TENM4: variants seen among roughly 807,000 people sequenced by gnomAD.
The protein encoded by TENM4 is teneurin transmembrane protein 4, also known as teneurin-4.
TENM4 carries 82 observed loss-of-function variants against 243.3 expected under a neutral mutation model. That is an observed-to-expected ratio of 0.34 (90% CI 0.28 to 0.40). The LOEUF is 0.40. TENM4 is among the 10% of genes least tolerant of loss of function. The probability of loss-of-function intolerance (pLI) is 1.00; values close to 1 mark genes in which losing one functional copy is unlikely to be tolerated. For synonymous variants in TENM4, 1,412 were observed against 1,456.3 expected (o/e 0.97, Z 0.69); for missense variants, 3,138 against 3,673.3 (o/e 0.85, Z 3.77).
In TENM4 at chr11:78,657,979, T is replaced by G. The variant is rs1048201480; in HGVS notation, c.*79A>C. 3 of 1,605,924 alleles carry G rather than the reference T, an allele frequency of 1.9e-6. No individual in the cohort carries two copies. The highest frequency in any genetic ancestry group is 2.2e-5 in the South Asian group (2 of 90,504). ...TTTCTGCACTTGTTAAAAAATCATT[T>G]TTTTAAAAGTACAACACAGTCAGGT... On this transcript the variant is annotated 3_prime_UTR_variant, in exon 34 of 34. Coordinates refer to ENST00000278550, the MANE Select transcript of TENM4 (RefSeq NM_001098816.3).
At chr11:78,983,402 A>G (rs1350792500) in intron 6 of TENM4, among the ~76,000 whole-genome samples, 5 of 152,230 alleles carry the variant, frequency 3.3e-5, no homozygotes, top group Admixed American at 2.0e-4. Context: ...GCAGATGATG[A>G]AAACTACTGC....
At chr11:79,164,252 A>G (rs1399282304) in intron 3 of TENM4, among the ~76,000 whole-genome samples, 2 of 110,444 alleles carry the variant, frequency 1.8e-5, no homozygotes, top group African/African-American at 9.7e-5. Flanking sequence ...TATAGTATAT[A>G]TAGTATATAG....
At chr11:78,831,422 C>G (rs1317340313) in intron 12 of TENM4, among the ~76,000 whole-genome samples, 1 of 152,246 alleles carries the variant, frequency 6.6e-6, no homozygotes, top group Non-Finnish European at 1.5e-5. Flanking sequence ...CCTCTGCCCT[C>G]TACTCTCACA....
rs376020683 is a variant in TENM4 at position 79,098,801 on chromosome 11, A to G, written c.-65-28792T>C. Among the ~76,000 whole-genome samples, 19 of 152,272 alleles carry G rather than the reference A, an allele frequency of 1.2e-4. No homozygotes were observed. In the South Asian group the frequency reaches 3.9e-3, roughly 32 times the overall value. The stretch of plus-strand genomic sequence containing the variant: ...CAACGACATCAGGAACATCATCATC[A>G]TCATCCCTGGACAATTTCAGTGTGA... On this transcript the variant is annotated intron_variant, in intron 4 of 33. Coordinates refer to ENST00000278550, the MANE Select transcript of TENM4 (RefSeq NM_001098816.3).
intron 9 of TENM4, among the ~76,000 whole-genome samples, chr11:78,876,757 G>C (rs1302882144): frequency 6.6e-6 from 1 of 152,208 alleles, no homozygotes; most frequent in East Asian, 1.9e-4. Context: ...CACAGCCTGG[G>C]ACACAGTCCA....
At chr11:78,909,611 C>T (rs534173736) in intron 6 of TENM4, among the ~76,000 whole-genome samples, 7 of 152,328 alleles carry the variant, frequency 4.6e-5, no homozygotes, top group East Asian at 3.9e-4. Flanking sequence ...TATCGGCATA[C>T]GCCACAGCCC....
chr11:78,827,828 C>T (rs1425398124), intron 12 of TENM4, among the ~76,000 whole-genome samples: 1 of 152,146 alleles, frequency 6.6e-6, no homozygotes, highest in Non-Finnish European at 1.5e-5. Context: ...TGAAGGTCCC[C>T]CTGGCTCTTC....
At chr11:79,093,486 C>T (rs1194165136) in intron 4 of TENM4, 1 of 152,300 alleles carries the variant, frequency 6.6e-6, no homozygotes, top group South Asian at 2.1e-4. Flanking sequence ...AGGCACCATC[C>T]TCTCCTGGGT....
chr11:78,961,959 C>A (rs1857335212), intron 6 of TENM4, among the ~76,000 whole-genome samples: 1 of 152,164 alleles, frequency 6.6e-6, no homozygotes, highest in Admixed American at 6.5e-5. Flanking sequence ...CTTGCACACT[C>A]CAGCGGCGCC....
chr11:79,298,280 C>A (rs1856489468), intron 1 of TENM4, among the ~76,000 whole-genome samples: 1 of 152,050 alleles, frequency 6.6e-6, no homozygotes, highest in South Asian at 2.1e-4. Context: ...CTTTGGGAGG[C>A]CGAGGCGGGT....
chr11:78,694,022 A>G (rs1458663631), intron 28 of TENM4, among the ~76,000 whole-genome samples: 5 of 152,086 alleles, frequency 3.3e-5, no homozygotes, highest in African/African-American at 1.2e-4. Context: ...CTCAAAAAAA[A>G]TGATTCATAT....
intron 10 of TENM4, among the ~76,000 whole-genome samples, chr11:78,856,636 T>C (rs530313643): frequency 6.6e-6 from 1 of 151,918 alleles, no homozygotes; most frequent in Non-Finnish European, 1.5e-5. Context: ...AAGCATGACT[T>C]GATGGAGTAA....
chr11:78,966,708 G>C (rs1027419851), intron 6 of TENM4, among the ~76,000 whole-genome samples: 4 of 152,206 alleles, frequency 2.6e-5, no homozygotes, highest in Non-Finnish European at 5.9e-5. Context: ...ATCTGCGGCA[G>C]AGGGAGGATA....
intron 2 of TENM4, among the ~76,000 whole-genome samples, chr11:79,281,098 A>C (rs1434806205): frequency 1.3e-5 from 2 of 152,212 alleles, no homozygotes; most frequent in Non-Finnish European, 2.9e-5. Context: ...TACGCTCTGC[A>C]TATAGAGATG....
At chr11:78,671,061 T>G (rs1373393703) in intron 31 of TENM4, among the ~76,000 whole-genome samples, 2 of 152,246 alleles carry the variant, frequency 1.3e-5, no homozygotes, top group Non-Finnish European at 2.9e-5. Flanking sequence ...TTTTACCTGC[T>G]AAACAGTTTC....
chr11:79,428,729 C>T (rs893414601), intron 1 of TENM4, among the ~76,000 whole-genome samples: 10 of 152,158 alleles, frequency 6.6e-5, no homozygotes, highest in African/African-American at 2.2e-4. Flanking sequence ...TTGCCAAAAA[C>T]GAGGGCAGGG....
chr11:79,046,453 C>G (rs1006576803), intron 6 of TENM4, among the ~76,000 whole-genome samples: 3 of 148,926 alleles, frequency 2.0e-5, no homozygotes, highest in South Asian at 2.1e-4. Context: ...CTCTCCCCCC[C>G]AAAAAAACGA....
chr11:79,361,642 G>A (rs960276605), intron 1 of TENM4, among the ~76,000 whole-genome samples: 3 of 152,148 alleles, frequency 2.0e-5, no homozygotes, highest in Non-Finnish European at 4.4e-5. Flanking sequence ...ATTTCCTGCA[G>A]AGACCCTGAA....
intron 4 of TENM4, among the ~76,000 whole-genome samples, chr11:79,084,267 T>C (rs1860749281): frequency 6.6e-6 from 1 of 152,122 alleles, no homozygotes; most frequent in Non-Finnish European, 1.5e-5. Flanking sequence ...ACATTGCTGG[T>C]AGGAATATAA....
Sources: allele counts gnomAD v4.1 joint callset (sites outside exome capture counted in the v4.1 genomes callset), GRCh38; gene constraint gnomAD v4.1.1; transcripts MANE v1.5; gene names NCBI Gene and HGNC (gene_info 2026-07-23, HGNC 2026-07-21).